PTK2B: variants seen among roughly 807,000 people sequenced by gnomAD.
The protein encoded by PTK2B is protein-tyrosine kinase 2-beta.
PTK2B carries 71 observed loss-of-function variants against 142.9 expected under a neutral mutation model. That is an observed-to-expected ratio of 0.50 (90% CI 0.41 to 0.61). PTK2B has a LOEUF of 0.61. Among genes scored for constraint, PTK2B ranks in the 20% least tolerant of loss-of-function variants. The probability of loss-of-function intolerance (pLI) is 0.00; values close to 1 mark genes in which losing one functional copy is unlikely to be tolerated. For missense variants in PTK2B, 1,105 were observed against 1,320.4 expected (o/e 0.84, Z 2.53); for synonymous variants, 519 against 503.4 (o/e 1.03, Z -0.42).
chr8:27,404,341 T>C (rs972220983), intron 2 of PTK2B, among the ~76,000 whole-genome samples: 14 of 152,204 alleles, frequency 9.2e-5, no homozygotes, highest in African/African-American at 3.4e-4. Context: ...TATGGTGTTG[T>C]TCAGAGGTGC....
At position 27,459,350 on chromosome 8, in the gene PTK2B, A is replaced by G. The variant is rs1364086074; in HGVS notation, c.*841A>G. ...ATAAACATTCTTTTAACTTCTTTCT[A>G]TTTGACTTGTGGTTGAATTAAAATT... On this transcript the variant is annotated 3_prime_UTR_variant, in exon 31 of 31. Coordinates refer to ENST00000346049, the MANE Select transcript of PTK2B (RefSeq NM_173176.3). 4 of 232,452 alleles carry G rather than the reference A, an allele frequency of 1.7e-5. No homozygotes were observed. Among genetic ancestry groups the G allele is most frequent in the Non-Finnish European group, 3.4e-5 (4 of 117,906 alleles). The allele number at this position is 232,452 out of a possible 1,614,324, so 14.4% of individuals were successfully genotyped here.
At chr8:27,333,730 C>T (rs1013465880) in intron 1 of PTK2B, among the ~76,000 whole-genome samples, 1 of 152,066 alleles carries the variant, frequency 6.6e-6, no homozygotes, top group African/African-American at 2.4e-5. Context: ...AAATGCCAAG[C>T]CTGTCTCAAC....
chr8:27,314,246 T>A (rs1418314247), intron 3 of PTK2B, among the ~76,000 whole-genome samples: 2 of 152,240 alleles, frequency 1.3e-5, no homozygotes, highest in Non-Finnish European at 2.9e-5. Context: ...CTTTAGGTCT[T>A]CATTCTGAAG....
chr8:27,315,698 A>G (rs970171244), intron 3 of PTK2B, among the ~76,000 whole-genome samples: 7 of 151,988 alleles, frequency 4.6e-5, no homozygotes, highest in Admixed American at 4.6e-4. Context: ...TAGAAATTGT[A>G]TCTTTTAAAC....
At chr8:27,345,070 G>A (rs979275633) in intron 1 of PTK2B, among the ~76,000 whole-genome samples, 2 of 152,196 alleles carry the variant, frequency 1.3e-5, no homozygotes, top group African/African-American at 2.4e-5. Flanking sequence ...GGCTGAGGCA[G>A]GAGAATCGCT....
chr8:27,342,608 C>A (rs997170398), intron 1 of PTK2B, among the ~76,000 whole-genome samples: 1 of 152,198 alleles, frequency 6.6e-6, no homozygotes. Flanking sequence ...CCTAAATTCC[C>A]ACCTCTCAGA....
intron 1 of PTK2B, among the ~76,000 whole-genome samples, chr8:27,383,836 C>T (rs6557996): frequency 0.85 from 125,593 of 147,970 alleles, 53,907 homozygotes; most frequent in Middle Eastern, 0.95. Context: ...CAGGTGTGCA[C>T]CACCACACCT....
chr8:27,402,939 T>G (rs1808467985), intron 2 of PTK2B, among the ~76,000 whole-genome samples: 1 of 152,222 alleles, frequency 6.6e-6, no homozygotes, highest in Non-Finnish European at 1.5e-5. Flanking sequence ...ATGTCACTCC[T>G]AGGTTGTGAG....
chr8:27,370,783 T>C (rs1052374596), intron 1 of PTK2B, among the ~76,000 whole-genome samples: 3 of 152,242 alleles, frequency 2.0e-5, no homozygotes, highest in African/African-American at 7.2e-5. Context: ...TTCCCCCTGT[T>C]ACCTGAAAGC....
intron 2 of PTK2B, among the ~76,000 whole-genome samples, chr8:27,401,087 C>T (rs1047186092): frequency 2.6e-5 from 4 of 152,066 alleles, no homozygotes; most frequent in East Asian, 1.9e-4. Context: ...TGCAGTGAGC[C>T]GAGATCGTGC....
At chr8:27,433,655 T>C (rs1260706052) in intron 11 of PTK2B, 103 bp downstream of exon 11, 3 of 1,001,146 alleles carry the variant, frequency 3.0e-6, no homozygotes, top group Non-Finnish European at 4.6e-6. Flanking sequence ...GATAAGTGAA[T>C]GAGGATTCTT....
intron 2 of PTK2B, among the ~76,000 whole-genome samples, chr8:27,406,626 T>C (rs566638311): frequency 3.3e-5 from 5 of 152,302 alleles, no homozygotes; most frequent in African/African-American, 1.2e-4. Context: ...CCCTTTATAG[T>C]TGGCACATTG....
At chr8:27,382,239 C>CGG (rs1807072120) in intron 1 of PTK2B, among the ~76,000 whole-genome samples, 1 of 152,204 alleles carries the variant, frequency 6.6e-6, no homozygotes, top group Non-Finnish European at 1.5e-5. Context: ...TGAGCCACCA[C>CGG]ACCTGGTTAT....
chr8:27,321,005 T>TTTTTTTTTTTTTTTC (rs1803202096), upstream of PTK2B, among the ~76,000 whole-genome samples: 1 of 134,026 alleles, frequency 7.5e-6, no homozygotes, highest in Non-Finnish European at 1.6e-5. Flanking sequence ...TTTTTTTTTT[T>TTTTTTTTTTTTTTTC]TTTTGAGACA....
chr8:27,398,213 T>G (rs1190072163), intron 2 of PTK2B, among the ~76,000 whole-genome samples: 1 of 152,218 alleles, frequency 6.6e-6, no homozygotes, highest in Non-Finnish European at 1.5e-5. Context: ...GTGCTGAGCA[T>G]GTACAGGAAG....
chr8:27,318,773 C>T (rs1250399825), intron 3 of PTK2B, among the ~76,000 whole-genome samples: 1 of 152,262 alleles, frequency 6.6e-6, no homozygotes, highest in East Asian at 1.9e-4. Flanking sequence ...GCCTCAGCCT[C>T]CGGAGTAGCT....
chr8:27,380,345 T>A (rs1364800667), intron 1 of PTK2B, among the ~76,000 whole-genome samples: 1 of 152,134 alleles, frequency 6.6e-6, no homozygotes, highest in African/African-American at 2.4e-5. Context: ...ATTTGATGTT[T>A]TTCACCAGGG....
At chr8:27,365,433 AAG>A (rs1805964650) in intron 1 of PTK2B, among the ~76,000 whole-genome samples, 1 of 152,190 alleles carries the variant, frequency 6.6e-6, no homozygotes, top group Admixed American at 6.5e-5. Context: ...TGGAAAAAGA[AAG>A]AGTTTAGCAA....
chr8:27,430,379 G>A lies in PTK2B; in HGVS notation c.630G>A (p.Leu210=). The A allele has an allele frequency of 6.2e-7, 1 of 1,614,154 alleles. No homozygotes were observed. ...NFELLEKEVG[L]DLFFPKQMQE... is the part of the protein sequence containing the mutation. The stretch of plus-strand genomic sequence containing the variant: ...CTTCTTGCAGAAAGGAAGTGGGGCT[G>A]GACTTGTTTTTCCCAAAGCAGATGC... The change falls in exon 7 of 31, where the codon CTG becomes CTA. Residue 210 remains leucine (L), a synonymous_variant. Coordinates refer to ENST00000346049, the MANE Select transcript of PTK2B (RefSeq NM_173176.3).
Sources: allele counts gnomAD v4.1 joint callset (sites outside exome capture counted in the v4.1 genomes callset), GRCh38; gene constraint gnomAD v4.1.1; transcripts MANE v1.5; gene names NCBI Gene and HGNC (gene_info 2026-07-23, HGNC 2026-07-21).